Variants in ZFPM2 observed in about 807,000 individuals in gnomAD.
ZFPM2 encodes zinc finger protein, FOG family member 2.
Under a neutral mutation model 98.6 loss-of-function variants are expected in ZFPM2, and 20 were observed. The ratio of observed to expected loss-of-function variants is 0.20; its 90% CI spans 0.14 to 0.29. ZFPM2 has a LOEUF of 0.29. Ranked by LOEUF, ZFPM2 falls within the 10% of genes least tolerant of loss-of-function variation. The probability of loss-of-function intolerance (pLI) is 1.00; values close to 1 mark genes in which losing one functional copy is unlikely to be tolerated. For synonymous variants in ZFPM2, 518 were observed against 502.7 expected (o/e 1.03, Z -0.41); for missense variants, 1,310 against 1,388.6 (o/e 0.94, Z 0.90).
chr8:105,543,991 A>G (rs1181938464), intron 3 of ZFPM2, among the ~76,000 whole-genome samples: 1 of 152,162 alleles, frequency 6.6e-6, no homozygotes, highest in African/African-American at 2.4e-5. Flanking sequence ...GACATGAACA[A>G]TTCTAACTGA....
At chr8:105,707,031 G>A (rs145330242) in intron 5 of ZFPM2, among the ~76,000 whole-genome samples, 1 of 152,006 alleles carries the variant, frequency 6.6e-6, no homozygotes, top group Non-Finnish European at 1.5e-5. Context: ...GCTTGAGCTT[G>A]GGAGTTTGAG....
At chr8:105,340,062 C>T (rs1225635816) in intron 1 of ZFPM2, among the ~76,000 whole-genome samples, 1 of 151,768 alleles carries the variant, frequency 6.6e-6, no homozygotes, top group Non-Finnish European at 1.5e-5. Context: ...TTGAGCTTCT[C>T]TTATGTGGAA....
intron 2 of ZFPM2, among the ~76,000 whole-genome samples, chr8:105,436,613 C>G (rs141326573): frequency 1.6e-3 from 248 of 152,144 alleles, no homozygotes; most frequent in African/African-American, 5.5e-3. Context: ...ATCTCTGTTG[C>G]TTGCCATGTA....
intron 3 of ZFPM2, among the ~76,000 whole-genome samples, chr8:105,518,731 T>C (rs1157648647): frequency 6.6e-6 from 1 of 152,234 alleles, no homozygotes; most frequent in African/African-American, 2.4e-5. Context: ...GAAAAATATG[T>C]ACTAGACAAG....
At chr8:105,505,940 C>CT (rs60350605) in intron 3 of ZFPM2, among the ~76,000 whole-genome samples, 55,703 of 151,730 alleles carry the variant, frequency 0.37, 12,103 homozygotes, top group African/African-American at 0.62. Flanking sequence ...TATTGTAACT[C>CT]TTTTTTTAAC....
At chr8:105,593,543 G>A (rs549291365) in intron 4 of ZFPM2, among the ~76,000 whole-genome samples, 197 of 151,716 alleles carry the variant, frequency 1.3e-3, no homozygotes, top group African/African-American at 3.8e-3. Context: ...TCTGCTGTCC[G>A]CAGCTGTCCC....
rs1812447652 is a variant in ZFPM2, at chr8:105,449,694, A to G, written c.301+5313A>G. 5.3e-5 allele frequency among the ~76,000 whole-genome samples: 8 copies of G among 151,986 alleles called. 1 individual carries two copies. The South Asian group carries it at 1.7e-3, about 32-fold the overall frequency. The stretch of plus-strand genomic sequence containing the variant: ...GGTTCTGCCACTTACCAATTTTGTG[A>G]CTTTGAGCAAGCTATTAACACTCCA... On this transcript the variant is annotated intron_variant, in intron 3 of 7. Transcript: ENST00000407775.
intron 4 of ZFPM2, among the ~76,000 whole-genome samples, chr8:105,609,997 G>A (rs1430185123): frequency 6.6e-6 from 1 of 152,118 alleles, no homozygotes; most frequent in Non-Finnish European, 1.5e-5. Flanking sequence ...ACCACCCATC[G>A]CAGCCCTCTT....
At chr8:105,531,354 C>T (rs1563702323) in intron 3 of ZFPM2, among the ~76,000 whole-genome samples, 1 of 152,102 alleles carries the variant, frequency 6.6e-6, no homozygotes, top group African/African-American at 2.4e-5. Flanking sequence ...TTGCCTCTTC[C>T]TAGATTCTCG....
At chr8:105,555,408 A>G (rs1814963401) in intron 3 of ZFPM2, among the ~76,000 whole-genome samples, 1 of 152,094 alleles carries the variant, frequency 6.6e-6, no homozygotes, top group South Asian at 2.1e-4. Flanking sequence ...AGTGAAATGG[A>G]TGCTTGTTGT....
chr8:105,674,492 G>A (rs1817652205), intron 5 of ZFPM2, among the ~76,000 whole-genome samples: 1 of 152,158 alleles, frequency 6.6e-6, no homozygotes, highest in South Asian at 2.1e-4. Context: ...CTTGTTTTTA[G>A]TGGTAAAGAG....
rs1554594944 is a variant in ZFPM2 at position 105,330,538 on chromosome 8, C to CTCTATATATATATACATA, written c.40+11558_40+11559insCTATATATATATACATAT. Among the ~76,000 whole-genome samples the CTCTATATATATATACATA allele has an allele frequency of 5.8e-4, 58 of 100,118 alleles. 2 individuals carry two copies. The highest frequency in any genetic ancestry group is 2.2e-3 in the African/African-American group (55 of 25,332). The allele number at this position is 100,118 out of a possible 152,430, so 65.7% of individuals were successfully genotyped here. A position where few individuals can be genotyped will look rare whatever the true frequency, so the allele number is the denominator to read the frequency against. ...CAAAACAATTTCTCTCTCTCTCTCT[C>CTCTATATATATATACATA]TATATATATATATACATATATATAT... On this transcript the variant is annotated intron_variant, in intron 1 of 7. Coordinates refer to ENST00000407775, the MANE Select transcript of ZFPM2 (RefSeq NM_012082.4).
At chr8:105,544,228 G>A (rs574256343) in intron 3 of ZFPM2, among the ~76,000 whole-genome samples, 1 of 152,206 alleles carries the variant, frequency 6.6e-6, no homozygotes, top group South Asian at 2.1e-4. Flanking sequence ...GTTCTAGTAT[G>A]GGTGTTAGAA....
intron 3 of ZFPM2, among the ~76,000 whole-genome samples, chr8:105,550,609 A>C (rs1814828807): frequency 1.3e-5 from 2 of 152,072 alleles, no homozygotes; most frequent in Non-Finnish European, 2.9e-5. Flanking sequence ...CGTACAAATC[A>C]CTCTTATAAG....
intron 3 of ZFPM2, among the ~76,000 whole-genome samples, chr8:105,492,649 A>G (rs150364051): frequency 1.3e-3 from 194 of 152,260 alleles, no homozygotes; most frequent in Admixed American, 0.011. Context: ...AGCTTTGCTC[A>G]GCTCAAGGAA....
At chr8:105,516,931 A>T in intron 3 of ZFPM2, among the ~76,000 whole-genome samples, 1 of 152,180 alleles carries the variant, frequency 6.6e-6, no homozygotes, top group East Asian at 1.9e-4. Flanking sequence ...ATGCCAACTC[A>T]TGTCTTTTGC....
intron 5 of ZFPM2, among the ~76,000 whole-genome samples, chr8:105,743,401 G>T (rs561455511): frequency 1.3e-5 from 2 of 152,060 alleles, no homozygotes; most frequent in South Asian, 2.1e-4. Flanking sequence ...AGAGATAAAG[G>T]TCATAATAAG....
At chr8:105,686,442 A>G (rs1278846302) in intron 5 of ZFPM2, among the ~76,000 whole-genome samples, 3 of 152,016 alleles carry the variant, frequency 2.0e-5, no homozygotes, top group Non-Finnish European at 4.4e-5. Flanking sequence ...AATTTCCTTA[A>G]TGGCTCTTCT....
intron 3 of ZFPM2, among the ~76,000 whole-genome samples, chr8:105,463,718 A>G (rs189876310): frequency 5.9e-4 from 90 of 152,202 alleles, no homozygotes; most frequent in African/African-American, 2.1e-3. Context: ...AGAGAATGTG[A>G]TGGAAATTTT....
Sources: gnomAD v4.1 joint callset for allele counts (sites outside exome capture counted in the v4.1 genomes callset) on GRCh38, gnomAD v4.1.1 for gene constraint, MANE v1.5 for transcripts, NCBI Gene and HGNC (gene_info 2026-07-23, HGNC 2026-07-21) for gene names.